MYO16: variants seen among roughly 807,000 people sequenced by gnomAD.
MYO16 encodes myosin XVI.
Under a neutral mutation model 205.3 loss-of-function variants are expected in MYO16, and 94 were observed. The observed-to-expected ratio is 0.46, with a 90% CI of 0.39 to 0.54. The LOEUF (loss-of-function observed/expected upper bound fraction) is 0.54. MYO16 is among the 20% of genes least tolerant of loss of function. The probability of loss-of-function intolerance (pLI) is 0.00; values close to 1 mark genes in which losing one functional copy is unlikely to be tolerated. For missense variants in MYO16, 2,315 were observed against 2,387.5 expected (o/e 0.97, Z 0.63); for synonymous variants, 988 against 954.0 (o/e 1.04, Z -0.66).
rs186102547 is a variant in MYO16 at position 109,081,245 on chromosome 13, C to T, written c.3336-19540C>T. ...AATATTTAAAATTAAGAAGTCATCT[C>T]AAATAAAATCTAACAAAGTAAAATA... On this transcript the variant is annotated intron_variant, in intron 27 of 34. Transcript: ENST00000457511. Among the ~76,000 whole-genome samples the T allele has an allele frequency of 2.6e-4, 40 of 152,232 alleles. No individual in the cohort carries two copies. In the South Asian group the frequency reaches 3.3e-3, roughly 13 times the overall value.
intron 1 of MYO16, among the ~76,000 whole-genome samples, chr13:108,644,221 A>C (rs1880634712): frequency 6.6e-6 from 1 of 152,172 alleles, no homozygotes; most frequent in African/African-American, 2.4e-5. Context: ...GTGTCAGCCC[A>C]GGGATGCTCC....
Position 109,156,743 on chromosome 13 carries a change from G to A in MYO16, c.5165-8158G>A, listed in dbSNP as rs116555230. ...CCACACAGTCCTGCCCTCTGCCAAG[G>A]CTCCTGGCCTGCAGCCCCTCCTGCA... On this transcript the variant is annotated intron_variant, in intron 32 of 34. Coordinates refer to ENST00000457511, the MANE Select transcript of MYO16 (RefSeq NM_001198950.3). 4.1e-3 allele frequency among the ~76,000 whole-genome samples: 620 copies of A among 152,106 alleles called. 6 individuals carry two copies. The highest frequency in any genetic ancestry group is 0.014 in the African/African-American group (589 of 41,510).
At chr13:109,074,095 A>G (rs536716526) in intron 27 of MYO16, among the ~76,000 whole-genome samples, 6 of 152,142 alleles carry the variant, frequency 3.9e-5, no homozygotes, top group Admixed American at 1.3e-4. Flanking sequence ...ACATTTATTT[A>G]TTTTTAACAA....
chr13:108,560,203 AG>A, the MYO16 span, among the ~76,000 whole-genome samples: 1 of 152,208 alleles, frequency 6.6e-6, no homozygotes, highest in Non-Finnish European at 1.5e-5. Context: ...CTATCTATGA[AG>A]GCACACTGCT....
At chr13:108,802,337 C>A (rs111502669) in intron 6 of MYO16, among the ~76,000 whole-genome samples, 344 of 152,262 alleles carry the variant, frequency 2.3e-3, no homozygotes, top group Non-Finnish European at 3.2e-3. Flanking sequence ...CGAGATCATG[C>A]AGTATTTGTC....
intron 31 of MYO16, among the ~76,000 whole-genome samples, chr13:109,131,317 A>C (rs1005170190): frequency 9.2e-5 from 14 of 152,234 alleles, no homozygotes; most frequent in Non-Finnish European, 1.8e-4. Context: ...CACCACGGTC[A>C]CTTCAAAGTT....
intron 2 of MYO16, among the ~76,000 whole-genome samples, chr13:108,676,006 A>G (rs1395484064): frequency 6.6e-6 from 1 of 152,212 alleles, no homozygotes; most frequent in East Asian, 1.9e-4. Flanking sequence ...TCTGCCATGT[A>G]TTGCCACATG....
At chr13:109,056,060 T>C (rs1887408154) in intron 27 of MYO16, 1 of 158,502 alleles carries the variant, frequency 6.3e-6, no homozygotes, top group Non-Finnish European at 1.4e-5. Context: ...ATGGCCACAA[T>C]CATTTCTTTG....
At chr13:109,105,206 C>G (rs886213437) in intron 28 of MYO16, among the ~76,000 whole-genome samples, 1 of 152,256 alleles carries the variant, frequency 6.6e-6, no homozygotes, top group Admixed American at 6.5e-5. Flanking sequence ...CGCAGTGGCT[C>G]ATGCCTATAA....
intron 11 of MYO16, among the ~76,000 whole-genome samples, chr13:108,857,316 A>G (rs910934854): frequency 6.6e-6 from 1 of 152,232 alleles, no homozygotes; most frequent in Admixed American, 6.5e-5. Flanking sequence ...TCAAAAGCCA[A>G]ACACCAGAGA....
chr13:108,862,215 GA>G (rs915638073), intron 11 of MYO16, among the ~76,000 whole-genome samples: 1 of 152,092 alleles, frequency 6.6e-6, no homozygotes, highest in Non-Finnish European at 1.5e-5. Flanking sequence ...AATCCTGAAA[GA>G]ATAAAATTCT....
chr13:109,042,922 C>T (rs561638934), intron 23 of MYO16, among the ~76,000 whole-genome samples: 1 of 152,172 alleles, frequency 6.6e-6, no homozygotes, highest in African/African-American at 2.4e-5. Flanking sequence ...AAATGTTTGT[C>T]GTTGTATGTG....
Position 108,803,501 on chromosome 13 carries a change from G to A in MYO16, c.742-3178G>A, listed in dbSNP as rs189051801. On this transcript the variant is annotated intron_variant, in intron 6 of 34. Coordinates refer to ENST00000457511, the MANE Select transcript of MYO16 (RefSeq NM_001198950.3). ...TAATATGAAATGGGCACAGTGTTGG[G>A]GGCTTTGACCGGATGCAATGAAAAC... Among the ~76,000 whole-genome samples the A allele has an allele frequency of 1.8e-4, 28 of 152,250 alleles. No individual in the cohort carries two copies. The East Asian group carries it at 5.2e-3, about 28-fold the overall frequency.
intron 20 of MYO16, among the ~76,000 whole-genome samples, chr13:108,988,822 G>T (rs945225343): frequency 6.6e-6 from 1 of 152,130 alleles, no homozygotes; most frequent in Non-Finnish European, 1.5e-5. Flanking sequence ...CCTGACATAG[G>T]GACCCTGATG....
At chr13:108,519,961 G>C in the MYO16 span, among the ~76,000 whole-genome samples, 1 of 152,092 alleles carries the variant, frequency 6.6e-6, no homozygotes, top group African/African-American at 2.4e-5. Flanking sequence ...TAGAGGAAGC[G>C]TATTTTTTGA....
chr13:109,120,942 CAGGAG>C (rs1262103424), intron 29 of MYO16, among the ~76,000 whole-genome samples: 2 of 152,196 alleles, frequency 1.3e-5, no homozygotes, highest in Admixed American at 6.5e-5. Flanking sequence ...CCCAGCTACT[CAGGAG>C]ACTGAAGTGA....
intron 34 of MYO16, among the ~76,000 whole-genome samples, chr13:109,192,232 A>C (rs1323057604): frequency 6.6e-6 from 1 of 152,262 alleles, no homozygotes; most frequent in Non-Finnish European, 1.5e-5. Flanking sequence ...AGTCAATGAT[A>C]TAAAAAGCCT....
chr13:108,567,487 T>C, the MYO16 span, among the ~76,000 whole-genome samples: 1 of 151,926 alleles, frequency 6.6e-6, no homozygotes, highest in African/African-American at 2.4e-5. Context: ...CATGAGGAAA[T>C]GTGGGAGTGG....
chr13:108,732,983 AAGTT>A (rs1435959685), intron 4 of MYO16, among the ~76,000 whole-genome samples: 1 of 152,174 alleles, frequency 6.6e-6, no homozygotes, highest in Non-Finnish European at 1.5e-5. Flanking sequence ...GAGATAGAGA[AAGTT>A]AGAATAGAGT....
Sources: allele counts gnomAD v4.1 joint callset (sites outside exome capture counted in the v4.1 genomes callset), GRCh38; gene constraint gnomAD v4.1.1; transcripts MANE v1.5; gene names NCBI Gene and HGNC (gene_info 2026-07-23, HGNC 2026-07-21).